Variants in HECW1 observed in about 807,000 individuals in gnomAD.
HECW1 encodes the protein E3 ubiquitin-protein ligase HECW1.
HECW1 carries 61 observed loss-of-function variants against 182.3 expected under a neutral mutation model. The observed-to-expected ratio is 0.33, with a 90% CI of 0.27 to 0.41. The LOEUF (loss-of-function observed/expected upper bound fraction) is 0.41, where lower values mean the gene tolerates loss of function less well. Among genes scored for constraint, HECW1 ranks in the 10% least tolerant of loss-of-function variants. The pLI, the probability that HECW1 is intolerant of heterozygous loss-of-function variation, is 1.00. For synonymous variants in HECW1, 859 were observed against 832.6 expected, an observed-to-expected ratio of 1.03 and a Z score of -0.55; for missense variants, 1,739 against 2,108.9, an observed-to-expected ratio of 0.82 and a Z score of 3.44.
chr7:43,124,342 A>T (rs190715624), intron 2 of HECW1, among the ~76,000 whole-genome samples: 2 of 152,306 alleles, frequency 1.3e-5, no homozygotes, highest in Admixed American at 1.3e-4. Flanking sequence ...CTGTTTTTTC[A>T]AAGTGCTATT....
At chr7:43,508,940 A>G in intron 23 of HECW1, 29 bp from the exon 24 acceptor site, 1 of 1,609,302 alleles carries the variant, frequency 6.2e-7, no homozygotes, top group Non-Finnish European at 8.5e-7. Flanking sequence ...GCACAGAATG[A>G]GCTTCCTGGA....
intron 3 of HECW1, among the ~76,000 whole-genome samples, chr7:43,301,771 A>T (rs1806820947): frequency 6.6e-6 from 1 of 151,744 alleles, no homozygotes; most frequent in Non-Finnish European, 1.5e-5. Context: ...GCTACTCGGG[A>T]GGCTGAAGCA....
chr7:43,346,900 T>C (rs1320748788), intron 5 of HECW1, among the ~76,000 whole-genome samples: 3 of 152,210 alleles, frequency 2.0e-5, no homozygotes, highest in Non-Finnish European at 4.4e-5. Flanking sequence ...TATGGCCTTA[T>C]AGTATAGCTT....
intron 3 of HECW1, among the ~76,000 whole-genome samples, chr7:43,270,669 C>G (rs1012773442): frequency 6.6e-6 from 1 of 151,898 alleles, no homozygotes; most frequent in South Asian, 2.1e-4. Flanking sequence ...CCAAAACAAA[C>G]CAAGGTATTA....
At chr7:43,493,261 G>C in intron 19 of HECW1, 81 bp downstream of exon 19, 1 of 850,100 alleles carries the variant, frequency 1.2e-6, no homozygotes, top group South Asian at 1.5e-5. Flanking sequence ...TGTGGAGACA[G>C]AGCGGAAGCT....
At chr7:43,259,730 A>G (rs1056336397) in intron 3 of HECW1, among the ~76,000 whole-genome samples, 6 of 152,228 alleles carry the variant, frequency 3.9e-5, no homozygotes, top group Non-Finnish European at 7.3e-5. Flanking sequence ...AGAAAAGATT[A>G]GTGAACTTAA....
At chr7:43,375,610 C>G (rs888008410) in intron 6 of HECW1, among the ~76,000 whole-genome samples, 1 of 151,858 alleles carries the variant, frequency 6.6e-6, no homozygotes, top group South Asian at 2.1e-4. Context: ...TAAAAAAGCT[C>G]CAGGCCAGGC....
intron 5 of HECW1, among the ~76,000 whole-genome samples, chr7:43,340,231 T>A (rs1015561): frequency 0.25 from 27,412 of 111,320 alleles, 3,504 homozygotes; most frequent in African/African-American, 0.38. Flanking sequence ...CACCCCTTTT[T>A]TTTTTCTAAG....
chr7:43,133,481 G>A (rs1978232), intron 2 of HECW1, among the ~76,000 whole-genome samples: 71,791 of 151,590 alleles, frequency 0.47, 17,254 homozygotes, highest in Admixed American at 0.53. Context: ...TTCTAGTTGA[G>A]ACAAATAAAT....
intron 19 of HECW1, among the ~76,000 whole-genome samples, chr7:43,500,101 G>GT (rs1186420621): frequency 3.5e-5 from 5 of 142,944 alleles, no homozygotes; most frequent in Non-Finnish European, 7.8e-5. Flanking sequence ...GCCAAGAACA[G>GT]TCTTTTTTTT....
intron 8 of HECW1, among the ~76,000 whole-genome samples, chr7:43,437,244 T>C (rs538697537): frequency 1.3e-5 from 2 of 152,352 alleles, no homozygotes; most frequent in Admixed American, 6.5e-5. Flanking sequence ...TCTGTGTATG[T>C]TGATTCACCC....
intron 6 of HECW1, among the ~76,000 whole-genome samples, chr7:43,385,678 C>T (rs1471033669): frequency 6.6e-6 from 1 of 152,056 alleles, no homozygotes; most frequent in East Asian, 1.9e-4. Context: ...CCATAGTTTC[C>T]CAGGAGAAAT....
chr7:43,275,293 CAT>C (rs534591566), intron 3 of HECW1, among the ~76,000 whole-genome samples: 1 of 152,112 alleles, frequency 6.6e-6, no homozygotes, highest in Non-Finnish European at 1.5e-5. Context: ...TCTCTCATAA[CAT>C]AATGTTACAT....
intron 26 of HECW1, among the ~76,000 whole-genome samples, chr7:43,545,796 G>A (rs1162151766): frequency 6.6e-6 from 1 of 151,426 alleles, no homozygotes; most frequent in Non-Finnish European, 1.5e-5. Context: ...AGCAGGAAAG[G>A]AAGGTTTGGT....
At chr7:43,146,470 A>G (rs1193495415) in intron 2 of HECW1, among the ~76,000 whole-genome samples, 1 of 152,240 alleles carries the variant, frequency 6.6e-6, no homozygotes, top group Non-Finnish European at 1.5e-5. Context: ...AAGGCAGTAT[A>G]TAATATTTTG....
intron 3 of HECW1, among the ~76,000 whole-genome samples, chr7:43,280,867 C>T (rs1311895008): frequency 6.6e-6 from 1 of 152,134 alleles, no homozygotes; most frequent in African/African-American, 2.4e-5. Flanking sequence ...GTTTGAGGAA[C>T]AGGGAGAAGG....
At chr7:43,310,049 G>T (rs577188330) in intron 3 of HECW1, among the ~76,000 whole-genome samples, 1 of 152,210 alleles carries the variant, frequency 6.6e-6, no homozygotes, top group South Asian at 2.1e-4. Flanking sequence ...TGGGAAGCTG[G>T]TAGATGCTGC....
At position 43,564,304 on chromosome 7, in the gene HECW1, T is replaced by C. The variant is rs772307276; in HGVS notation, c.*2378T>C. ...TAGTACTCACATTATTTGTCAGGCA[T>C]TGGAAAAGGAGAAAGCTGTTTACAA... On this transcript the variant is annotated 3_prime_UTR_variant, in exon 30 of 30. Transcript: ENST00000395891. 5 of 187,550 alleles carry C rather than the reference T, an allele frequency of 2.7e-5. No homozygotes were observed. Among genetic ancestry groups the C allele is most frequent in the Admixed American group, 1.2e-4 (2 of 16,208 alleles). 11.6% of individuals were successfully genotyped at this position (187,550 alleles called of 1,614,324 possible).
intron 8 of HECW1, among the ~76,000 whole-genome samples, chr7:43,418,144 CA>C: frequency 6.6e-6 from 1 of 152,134 alleles, no homozygotes; most frequent in Non-Finnish European, 1.5e-5. Flanking sequence ...TCTCTGGTTC[CA>C]AATTTTCTTC....
Sources: allele counts gnomAD v4.1 joint callset (sites outside exome capture counted in the v4.1 genomes callset), GRCh38; gene constraint gnomAD v4.1.1; transcripts MANE v1.5; gene names NCBI Gene and HGNC (gene_info 2026-07-23, HGNC 2026-07-21).